Variants in GPC6 observed in about 807,000 individuals in gnomAD.
The protein encoded by GPC6 is glypican-6.
In GPC6, 14 loss-of-function variants were observed where a neutral mutation model predicts 55.2. That is an observed-to-expected ratio of 0.25 (90% CI 0.17 to 0.40). GPC6 has a LOEUF of 0.40. Among genes scored for constraint, GPC6 ranks in the 10% least tolerant of loss-of-function variants. The pLI is 1.00. For synonymous variants in GPC6, 278 were observed against 259.6 expected (o/e 1.07, Z -0.68); for missense variants, 641 against 708.5 (o/e 0.90, Z 1.08).
At chr13:93,846,413 A>G (rs1888182154) in intron 3 of GPC6, among the ~76,000 whole-genome samples, 1 of 152,222 alleles carries the variant, frequency 6.6e-6, no homozygotes, top group Non-Finnish European at 1.5e-5. Context: ...ACACTGCTTC[A>G]CCCACAGTTG....
intron 5 of GPC6, among the ~76,000 whole-genome samples, chr13:94,288,792 A>T (rs9301950): frequency 9.9e-6 from 1 of 101,270 alleles, no homozygotes; most frequent in South Asian, 2.7e-4. Flanking sequence ...ATATATAATA[A>T]ATATATATAT....
intron 1 of GPC6, among the ~76,000 whole-genome samples, chr13:93,326,524 C>A (rs1340162299): frequency 6.6e-6 from 1 of 152,122 alleles, no homozygotes; most frequent in Non-Finnish European, 1.5e-5. Flanking sequence ...GGGAGTAGAA[C>A]CGTTTACAGA....
intron 2 of GPC6, among the ~76,000 whole-genome samples, chr13:93,753,900 G>C (rs1884682020): frequency 6.6e-6 from 1 of 152,132 alleles, no homozygotes; most frequent in Admixed American, 6.6e-5. Flanking sequence ...TCCTGCTCCA[G>C]CTTTCCAAAG....
At chr13:93,521,345 A>C (rs746948542) in intron 1 of GPC6, among the ~76,000 whole-genome samples, 2 of 151,858 alleles carry the variant, frequency 1.3e-5, no homozygotes, top group Non-Finnish European at 1.5e-5. Flanking sequence ...ACTAAATGAA[A>C]TTATCTTGAT....
intron 4 of GPC6, among the ~76,000 whole-genome samples, chr13:94,069,598 A>G (rs924317818): frequency 2.6e-5 from 4 of 152,098 alleles, no homozygotes; most frequent in East Asian, 1.9e-4. Flanking sequence ...AATGCCTTTA[A>G]CAGTACCCAA....
chr13:93,347,865 T>C (rs1185620695), intron 1 of GPC6, among the ~76,000 whole-genome samples: 3 of 152,176 alleles, frequency 2.0e-5, no homozygotes, highest in African/African-American at 7.2e-5. Flanking sequence ...AGTGTTTTTA[T>C]GAAACATGAG....
intron 7 of GPC6, among the ~76,000 whole-genome samples, chr13:94,395,570 G>C (rs1880859317): frequency 6.6e-6 from 1 of 152,158 alleles, no homozygotes; most frequent in African/African-American, 2.4e-5. Context: ...CTGAAAAATA[G>C]CTTAAATACC....
At chr13:94,113,824 C>T (rs142909320) in intron 4 of GPC6, among the ~76,000 whole-genome samples, 1 of 151,646 alleles carries the variant, frequency 6.6e-6, no homozygotes, top group Admixed American at 6.6e-5. Context: ...AGTTCTTGAC[C>T]AGCCTGGCCA....
At chr13:93,851,553 T>G (rs1888399481) in intron 3 of GPC6, among the ~76,000 whole-genome samples, 1 of 151,938 alleles carries the variant, frequency 6.6e-6, no homozygotes, top group East Asian at 1.9e-4. Flanking sequence ...GGGAAATAAG[T>G]ACTTTTATGA....
chr13:93,512,491 T>C (rs1881019248), intron 1 of GPC6, among the ~76,000 whole-genome samples: 1 of 152,180 alleles, frequency 6.6e-6, no homozygotes, highest in Non-Finnish European at 1.5e-5. Flanking sequence ...TGAATCATCC[T>C]TGCAGTCCTG....
intron 1 of GPC6, among the ~76,000 whole-genome samples, chr13:93,307,877 T>C (rs762279140): frequency 2.0e-4 from 30 of 152,194 alleles, no homozygotes; most frequent in Non-Finnish European, 3.4e-4. Context: ...TTAAAGCATA[T>C]GTTAATTAGC....
Position 94,018,990 on chromosome 13 carries a change from C to A in GPC6, c.712-8739C>A, listed in dbSNP as rs140360784. Among the ~76,000 whole-genome samples, 33 of 152,314 alleles carry A rather than the reference C, an allele frequency of 2.2e-4. 1 individual carries two copies. The South Asian group carries it at 2.5e-3, about 11-fold the overall frequency. On this transcript the variant is annotated intron_variant, in intron 3 of 8. Transcript: ENST00000377047. ...AAATTGTCTTCCACGAAACTTGTGC[C>A]AAAAGGGTTGGAGACTGCTGGTCTG...
chr13:94,288,930 T>TATATATAACAAATATAG (rs1555316161), intron 5 of GPC6, among the ~76,000 whole-genome samples: 1 of 108,214 alleles, frequency 9.2e-6, no homozygotes, highest in African/African-American at 4.8e-5. Flanking sequence ...ATATAACAAA[T>TATATATAACAAATATAG]ATAGATAGAT....
At chr13:93,734,841 A>T (rs538825525) in intron 2 of GPC6, among the ~76,000 whole-genome samples, 1 of 152,308 alleles carries the variant, frequency 6.6e-6, no homozygotes, top group East Asian at 1.9e-4. Context: ...TACACAATTA[A>T]TAACTATTAA....
rs1043452586 is a variant in GPC6, at chr13:93,339,768, A to G, written c.160+112152A>G. On this transcript the variant is annotated intron_variant, in intron 1 of 8. Coordinates refer to ENST00000377047, the MANE Select transcript of GPC6 (RefSeq NM_005708.5). ...TACCAGAATGTCCTGCACACTCAAA[A>G]GCAATAATGTTTTGTGAAATACAGG... Among the ~76,000 whole-genome samples the G allele has an allele frequency of 2.0e-5, 3 of 152,236 alleles. No individual in the cohort carries two copies. The East Asian group carries it at 5.8e-4, about 29-fold the overall frequency.
At chr13:93,467,417 A>G (rs1878946965) in intron 1 of GPC6, among the ~76,000 whole-genome samples, 1 of 152,146 alleles carries the variant, frequency 6.6e-6, no homozygotes. Flanking sequence ...TTAATTTAGT[A>G]CATATGGACT....
chr13:93,373,952 C>T (rs1219828063), intron 1 of GPC6, among the ~76,000 whole-genome samples: 1 of 152,078 alleles, frequency 6.6e-6, no homozygotes, highest in East Asian at 1.9e-4. Context: ...CCTCAAATGT[C>T]CTGAGCCCTG....
chr13:94,142,344 T>C (rs1326403308), intron 4 of GPC6, among the ~76,000 whole-genome samples: 4 of 152,220 alleles, frequency 2.6e-5, no homozygotes, highest in African/African-American at 9.6e-5. Flanking sequence ...GTAATTTTAA[T>C]TTAACAGGAA....
chr13:93,345,551 CA>C (rs1386402515), intron 1 of GPC6, among the ~76,000 whole-genome samples: 11 of 151,946 alleles, frequency 7.2e-5, no homozygotes, highest in African/African-American at 2.7e-4. Context: ...TTTCCCACAT[CA>C]AAATTAAGAA....
Sources: allele counts gnomAD v4.1 joint callset (sites outside exome capture counted in the v4.1 genomes callset), GRCh38; gene constraint gnomAD v4.1.1; transcripts MANE v1.5; gene names NCBI Gene and HGNC (gene_info 2026-07-23, HGNC 2026-07-21).